Variants in KLRG1 observed in about 807,000 individuals in gnomAD.
The protein encoded by KLRG1 is killer cell lectin like receptor G1, also known as killer cell lectin-like receptor subfamily G member 1.
KLRG1 carries 16 observed loss-of-function variants against 21.8 expected under a neutral mutation model. The ratio of observed to expected loss-of-function variants is 0.73; its 90% CI spans 0.50 to 1.11. The LOEUF (loss-of-function observed/expected upper bound fraction) is 1.11, where lower values mean the gene tolerates loss of function less well. Ranked by LOEUF, KLRG1 falls within the 50% of genes most tolerant of loss-of-function variation. KLRG1 has a pLI of 0.00. For synonymous variants in KLRG1, 69 were observed against 75.9 expected, an observed-to-expected ratio of 0.91 and a Z score of 0.47; for missense variants, 173 against 218.3, an observed-to-expected ratio of 0.79 and a Z score of 1.31.
intron 1 of KLRG1, among the ~76,000 whole-genome samples, chr12:8,969,847 G>A (rs1946538525): frequency 1.3e-5 from 2 of 152,158 alleles, no homozygotes; most frequent in South Asian, 4.1e-4. Flanking sequence ...GGCATGGTGG[G>A]GCTCATGCCT....
At chr12:9,196,229 A>T in the KLRG1 span, 1 of 718,950 alleles carries the variant, frequency 1.4e-6, no homozygotes, top group Non-Finnish European at 2.3e-6. Context: ...TGGTCATATT[A>T]ATTAACTGAT....
chr12:8,968,096 A>G (rs1946508129), intron 1 of KLRG1, among the ~76,000 whole-genome samples: 1 of 152,230 alleles, frequency 6.6e-6, no homozygotes, highest in African/African-American at 2.4e-5. Flanking sequence ...GAAAATAAAT[A>G]GAACATACAG....
At chr12:9,059,116 G>A in the KLRG1 span, among the ~76,000 whole-genome samples, 1 of 152,310 alleles carries the variant, frequency 6.6e-6, no homozygotes, top group African/African-American at 2.4e-5. Context: ...GGCGTCTTTA[G>A]CATTTGTTTG....
chr12:9,009,898 C>A lies in KLRG1; in HGVS notation c.*361C>A. 6.6e-7 allele frequency: 1 copy of A among 1,511,800 alleles called. No individual in the cohort carries two copies. Among genetic ancestry groups the A allele is most frequent in the South Asian group, 1.2e-5 (1 of 80,554 alleles). 93.6% of individuals were successfully genotyped at this position (1,511,800 alleles called of 1,614,324 possible). A position where few individuals can be genotyped will look rare whatever the true frequency, so the allele number is the denominator to read the frequency against. ...ATATTCTGAGCTAATCTGATAAAAT[C>A]TATGCCAATATATACTATTGCTTGT... On this transcript the variant is annotated 3_prime_UTR_variant, in exon 5 of 5. Coordinates refer to ENST00000356986, the MANE Select transcript of KLRG1 (RefSeq NM_005810.4).
the KLRG1 span, among the ~76,000 whole-genome samples, chr12:9,207,901 T>C: frequency 2.0e-5 from 3 of 152,234 alleles, no homozygotes; most frequent in African/African-American, 7.2e-5. Flanking sequence ...TTTCTGTATA[T>C]ATATATATGG....
intron 3 of KLRG1, among the ~76,000 whole-genome samples, chr12:8,999,031 C>A (rs1299348327): frequency 7.9e-5 from 12 of 151,506 alleles, no homozygotes. Flanking sequence ...GAGATGCTTT[C>A]TTATTATCTC....
At chr12:9,028,690 C>A in the KLRG1 span, 1 of 456,146 alleles carries the variant, frequency 2.2e-6, no homozygotes. Flanking sequence ...GATCCACCCG[C>A]CTTGGCCCCC....
In KLRG1 at chr12:9,009,622, G is replaced by A; in HGVS notation, c.*85G>A. 1 of 1,547,620 alleles carries A rather than the reference G, an allele frequency of 6.5e-7. No individual in the cohort carries two copies. Among genetic ancestry groups the A allele is most frequent in the Middle Eastern group, 1.9e-4 (1 of 5,332 alleles). The stretch of plus-strand genomic sequence containing the variant: ...GGCCACTGGCTGTTGGGAAAGCCAT[G>A]AGTATATAGTTAGCAAATACTGAAC... On this transcript the variant is annotated 3_prime_UTR_variant, in exon 5 of 5. Coordinates refer to ENST00000356986, the MANE Select transcript of KLRG1 (RefSeq NM_005810.4).
chr12:9,105,500 A>G, the KLRG1 span, among the ~76,000 whole-genome samples: 1 of 152,170 alleles, frequency 6.6e-6, no homozygotes, highest in African/African-American at 2.4e-5. Context: ...CATAGCTGAA[A>G]TCCTGTAACA....
chr12:9,163,920 T>C, the KLRG1 span: 4 of 1,306,250 alleles, frequency 3.1e-6, no homozygotes, highest in South Asian at 3.1e-5. Flanking sequence ...ACAAGGTTAA[T>C]GTATACTAAG....
the KLRG1 span, chr12:9,094,920 T>C: frequency 9.8e-7 from 1 of 1,017,104 alleles, no homozygotes; most frequent in Non-Finnish European, 1.4e-6. Flanking sequence ...TTTAAAAAAT[T>C]TAAAATTTGG....
the KLRG1 span, among the ~76,000 whole-genome samples, chr12:9,017,824 C>T: frequency 6.6e-6 from 1 of 152,280 alleles, no homozygotes; most frequent in East Asian, 1.9e-4. Flanking sequence ...GAAGTCAAAT[C>T]ATTCTTGTTT....
At chr12:9,209,255 AAT>A in the KLRG1 span, among the ~76,000 whole-genome samples, 1 of 152,024 alleles carries the variant, frequency 6.6e-6, no homozygotes, top group Non-Finnish European at 1.5e-5. Flanking sequence ...AAACTTTTTA[AAT>A]CAACTTTCTT....
At chr12:9,198,680 A>G in the KLRG1 span, among the ~76,000 whole-genome samples, 14 of 152,208 alleles carry the variant, frequency 9.2e-5, no homozygotes, top group African/African-American at 3.4e-4. Flanking sequence ...AATGGGTAAC[A>G]GAATAATACA....
the KLRG1 span, chr12:9,165,405 T>C: frequency 3.6e-4 from 577 of 1,607,412 alleles, 12 homozygotes; most frequent in East Asian, 0.012. Flanking sequence ...AAATAATGAA[T>C]GTAAGCCACC....
chr12:9,063,451 T>A, the KLRG1 span, among the ~76,000 whole-genome samples: 1 of 152,182 alleles, frequency 6.6e-6, no homozygotes, highest in Admixed American at 6.5e-5. Context: ...CCAACAAGTA[T>A]CCATTTCATT....
the KLRG1 span, chr12:9,109,910 T>C: frequency 6.2e-7 from 1 of 1,613,228 alleles, no homozygotes; most frequent in Non-Finnish European, 8.5e-7. Context: ...TTCCACCTGA[T>C]TTCTTCTGTA....
chr12:9,014,528 A>G (rs1167848037), downstream of KLRG1, among the ~76,000 whole-genome samples: 3 of 152,304 alleles, frequency 2.0e-5, no homozygotes, highest in East Asian at 5.8e-4. Flanking sequence ...TTCAAACATG[A>G]GGGAGAAATA....
intron 3 of KLRG1, among the ~76,000 whole-genome samples, chr12:8,999,945 G>A (rs1947255787): frequency 6.6e-6 from 1 of 152,090 alleles, no homozygotes; most frequent in Non-Finnish European, 1.5e-5. Flanking sequence ...TGAGGCAGGA[G>A]AATCACTTGA....
Sources: gnomAD v4.1 joint callset for allele counts (sites outside exome capture counted in the v4.1 genomes callset) on GRCh38, gnomAD v4.1.1 for gene constraint, MANE v1.5 for transcripts, NCBI Gene and HGNC (gene_info 2026-07-23, HGNC 2026-07-21) for gene names.